The following ADAMTS19 variants were observed in gnomAD, a reference collection of about 807,000 sequenced individuals.
ADAMTS19 encodes the protein A disintegrin and metalloproteinase with thrombospondin motifs 19.
Under a neutral mutation model 153.3 loss-of-function variants are expected in ADAMTS19, and 93 were observed. The ratio of observed to expected loss-of-function variants is 0.61; its 90% CI spans 0.51 to 0.72. ADAMTS19 has a LOEUF of 0.72. Among genes scored for constraint, ADAMTS19 ranks in the 30% least tolerant of loss-of-function variants. ADAMTS19 has a pLI of 0.00. For synonymous variants in ADAMTS19, 600 were observed against 556.6 expected (o/e 1.08, Z -1.10); for missense variants, 1,482 against 1,552.1 (o/e 0.95, Z 0.76).
intron 7 of ADAMTS19, among the ~76,000 whole-genome samples, chr5:129,579,304 A>G (rs1040117966): frequency 4.6e-5 from 7 of 151,980 alleles, no homozygotes; most frequent in African/African-American, 1.7e-4. Flanking sequence ...TTTCTTGTAA[A>G]TTTGATTAAG....
intron 7 of ADAMTS19, among the ~76,000 whole-genome samples, chr5:129,592,196 G>C (rs1454500050): frequency 6.6e-6 from 1 of 151,872 alleles, no homozygotes; most frequent in Non-Finnish European, 1.5e-5. Context: ...TGGCCAACAT[G>C]GTGAAACCCC....
intron 7 of ADAMTS19, among the ~76,000 whole-genome samples, chr5:129,560,221 TA>T (rs2126840028): frequency 6.6e-6 from 1 of 152,340 alleles, no homozygotes; most frequent in East Asian, 1.9e-4. Flanking sequence ...TAACTTATTT[TA>T]ATGCCATTTG....
chr5:129,708,459 G>A (rs1010508052), intron 21 of ADAMTS19, among the ~76,000 whole-genome samples: 1 of 151,536 alleles, frequency 6.6e-6, no homozygotes, highest in African/African-American at 2.4e-5. Context: ...ATGGAACACT[G>A]ACTTGAAAAA....
intron 8 of ADAMTS19, among the ~76,000 whole-genome samples, chr5:129,615,432 CCA>C (rs1175187769): frequency 2.6e-5 from 4 of 151,880 alleles, no homozygotes; most frequent in African/African-American, 9.7e-5. Flanking sequence ...TATCAAAATG[CCA>C]TTTCTTAGAC....
At chr5:129,544,246 A>G (rs951308946) in intron 6 of ADAMTS19, among the ~76,000 whole-genome samples, 4 of 152,218 alleles carry the variant, frequency 2.6e-5, no homozygotes, top group Admixed American at 6.6e-5. Flanking sequence ...ATTTATAAGT[A>G]AAATAATCCC....
chr5:129,600,638 A>C (rs2126928867), intron 8 of ADAMTS19, among the ~76,000 whole-genome samples: 1 of 152,276 alleles, frequency 6.6e-6, no homozygotes, highest in East Asian at 1.9e-4. Context: ...ATTTGAGTAA[A>C]TAAAGAGAAC....
intron 11 of ADAMTS19, among the ~76,000 whole-genome samples, chr5:129,644,239 G>C (rs25822): frequency 0.19 from 28,981 of 152,148 alleles, 3,290 homozygotes; most frequent in East Asian, 0.35. Flanking sequence ...GAACCTCTCA[G>C]TTTTCCAGGC....
chr5:129,561,342 A>T (rs1361226432), intron 7 of ADAMTS19, among the ~76,000 whole-genome samples: 1 of 152,140 alleles, frequency 6.6e-6, no homozygotes, highest in African/African-American at 2.4e-5. Flanking sequence ...TTCCTGGCTA[A>T]CAAGGTGAAA....
intron 7 of ADAMTS19, among the ~76,000 whole-genome samples, chr5:129,573,527 G>A (rs1018637711): frequency 6.6e-6 from 1 of 152,018 alleles, no homozygotes; most frequent in Admixed American, 6.6e-5. Flanking sequence ...TCAGCACATA[G>A]CATAGTCACC....
rs368454090 is a variant in ADAMTS19, at chr5:129,619,739, C to T, written c.1479-879C>T. Among the ~76,000 whole-genome samples the T allele has an allele frequency of 3.1e-4, 47 of 151,726 alleles. No individual in the cohort carries two copies. In the East Asian group the frequency reaches 3.9e-3, roughly 13 times the overall value. On this transcript the variant is annotated intron_variant, in intron 8 of 22. Coordinates refer to ENST00000274487, the MANE Select transcript of ADAMTS19 (RefSeq NM_133638.6). ...TATATACTGTCATAAGGATACGATA[C>T]AATAATTTTAATAGTAACTATAGGA...
At chr5:129,530,993 A>T (rs1043121569) in intron 6 of ADAMTS19, among the ~76,000 whole-genome samples, 1 of 152,160 alleles carries the variant, frequency 6.6e-6, no homozygotes, top group East Asian at 1.9e-4. Context: ...AAAACCAATT[A>T]TGTTTATATA....
At chr5:129,700,587 G>A (rs951676442) in intron 19 of ADAMTS19, among the ~76,000 whole-genome samples, 1 of 152,144 alleles carries the variant, frequency 6.6e-6, no homozygotes, top group Admixed American at 6.5e-5. Context: ...CTTTGGTAAG[G>A]TATTAAGCCT....
chr5:129,468,595 G>T (rs531545071), intron 2 of ADAMTS19, among the ~76,000 whole-genome samples: 8 of 152,056 alleles, frequency 5.3e-5, no homozygotes, highest in Non-Finnish European at 1.2e-4. Context: ...CTCATGATCC[G>T]CCCACCTTGG....
Position 129,462,044 on chromosome 5 carries a change from T to A in ADAMTS19, c.747+287T>A, listed in dbSNP as rs573807694. Among the ~76,000 whole-genome samples the A allele has an allele frequency of 3.3e-5, 5 of 152,314 alleles. No homozygotes were observed. The South Asian group carries it at 1.0e-3, about 32-fold the overall frequency. On this transcript the variant is annotated intron_variant, in intron 2 of 22. Transcript: ENST00000274487. Reference sequence around the variant, plus strand: ...CTGCCTTTTCGTAACTTCTTCCCAATGGCTCAACTTCTTTCTGTTCTCCAG... The same window carrying A: ...CTGCCTTTTCGTAACTTCTTCCCAAAGGCTCAACTTCTTTCTGTTCTCCAG...
intron 3 of ADAMTS19, among the ~76,000 whole-genome samples, chr5:129,516,229 TA>T (rs1751600159): frequency 6.6e-6 from 1 of 151,654 alleles, no homozygotes; most frequent in African/African-American, 2.4e-5. Flanking sequence ...TCATCAGAAA[TA>T]TTAGCCTGTA....
chr5:129,506,534 A>G (rs776672147), intron 2 of ADAMTS19, among the ~76,000 whole-genome samples: 1 of 152,062 alleles, frequency 6.6e-6, no homozygotes, highest in Non-Finnish European at 1.5e-5. Flanking sequence ...TCCTGCACCC[A>G]GTAACTCGTC....
At chr5:129,603,613 T>C (rs1750765708) in intron 8 of ADAMTS19, among the ~76,000 whole-genome samples, 1 of 152,120 alleles carries the variant, frequency 6.6e-6, no homozygotes, top group South Asian at 2.1e-4. Context: ...ATCTAAATTA[T>C]CTGGGAAATA....
intron 8 of ADAMTS19, among the ~76,000 whole-genome samples, chr5:129,615,255 G>A (rs1342737261): frequency 6.6e-6 from 1 of 151,504 alleles, no homozygotes; most frequent in Non-Finnish European, 1.5e-5. Flanking sequence ...AAGAATGGAA[G>A]GTATTCTAAT....
At chr5:129,532,858 G>A (rs1162353251) in intron 6 of ADAMTS19, among the ~76,000 whole-genome samples, 1 of 152,108 alleles carries the variant, frequency 6.6e-6, no homozygotes, top group Non-Finnish European at 1.5e-5. Context: ...CAGCAATTTG[G>A]GAGGCCTAGG....
Sources: gnomAD v4.1 joint callset for allele counts (sites outside exome capture counted in the v4.1 genomes callset) on GRCh38, gnomAD v4.1.1 for gene constraint, MANE v1.5 for transcripts, NCBI Gene and HGNC (gene_info 2026-07-23, HGNC 2026-07-21) for gene names.